INPP4A: variants seen among roughly 807,000 people sequenced by gnomAD.
INPP4A encodes the protein inositol polyphosphate-4-phosphatase type I A.
INPP4A carries 33 observed loss-of-function variants against 119.8 expected under a neutral mutation model. The ratio of observed to expected loss-of-function variants is 0.28; its 90% CI spans 0.21 to 0.37. INPP4A has a LOEUF of 0.37. Among genes scored for constraint, INPP4A ranks in the 10% least tolerant of loss-of-function variants. The pLI is 1.00. For synonymous variants in INPP4A, 496 were observed against 500.7 expected (o/e 0.99, Z 0.12); for missense variants, 956 against 1,289.9 (o/e 0.74, Z 3.97).
intron 23 of INPP4A, 70 bp from the exon 24 acceptor site, chr2:98,576,919 C>G (rs879088090): frequency 6.5e-7 from 1 of 1,539,520 alleles, no homozygotes; most frequent in Non-Finnish European, 8.8e-7. Context: ...GGGAGCCTTT[C>G]CTGTGTGTGA....
rs1442302531 is a variant in INPP4A, at chr2:98,546,056, A to G, written c.1037A>G (p.Gln346Arg). 1.3e-6 allele frequency: 2 copies of G among 1,580,954 alleles called. No homozygotes were observed. The highest frequency in any genetic ancestry group is 1.7e-6 in the Non-Finnish European group (2 of 1,162,226). Residue 346 changes from glutamine (Q) to arginine (R), a missense_variant, in exon 12 of 25, where the codon CAA becomes CGA. Coordinates refer to ENST00000409851, the MANE Select transcript of INPP4A (RefSeq NM_001134225.2). This position sits in a 1 kb window ranked among gnomAD's most constrained non-coding sequence, Gnocchi z 4.2. Reference protein sequence around the residue: ...TNLHIQRMRVQDDGGSDQNYD... With the variant: ...TNLHIQRMRVRDDGGSDQNYD... The stretch of plus-strand genomic sequence containing the variant: ...TTGCACATACAAAGGATGAGAGTTC[A>G]AGACGATGGAGGATCAGGTACCTAT...
chr2:98,496,381 CAATT>C (rs1681946196), intron 1 of INPP4A, among the ~76,000 whole-genome samples: 1 of 152,102 alleles, frequency 6.6e-6, no homozygotes, highest in Admixed American at 6.5e-5. Context: ...AACTCAAAAT[CAATT>C]AAATACTTAA....
In INPP4A at chr2:98,519,973, C is replaced by A; in HGVS notation, c.-76C>A. 1 of 1,201,040 alleles carries A rather than the reference C, an allele frequency of 8.3e-7. No individual in the cohort carries two copies. Among genetic ancestry groups the A allele is most frequent in the Non-Finnish European group, 1.2e-6 (1 of 827,344 alleles). 74.4% of individuals were successfully genotyped at this position (1,201,040 alleles called of 1,614,324 possible). On this transcript the variant is annotated 5_prime_UTR_variant, in exon 3 of 25. Transcript: ENST00000409851. ...CTACTGCCACTTTAGTGGACTAGGG[C>A]TCGGTGCCAGCACTTCCCGGGTAAT...
chr2:98,531,769 C>T (rs1043714961), intron 4 of INPP4A, among the ~76,000 whole-genome samples: 1 of 152,136 alleles, frequency 6.6e-6, no homozygotes, highest in Non-Finnish European at 1.5e-5. Context: ...ATTTTCAAAC[C>T]TTAAAAGCTG....
chr2:98,535,708 T>C, intron 5 of INPP4A, 21 bp from the exon 6 acceptor site: 1 of 1,140,544 alleles, frequency 8.8e-7, no homozygotes, highest in Non-Finnish European at 1.3e-6. Context: ...TGTGTTCTGA[T>C]TATTTCCTTT....
chr2:98,462,467 GATAAAA>G (rs1673775272), intron 1 of INPP4A, among the ~76,000 whole-genome samples: 1 of 151,902 alleles, frequency 6.6e-6, no homozygotes, highest in Non-Finnish European at 1.5e-5. Context: ...TAAATAAATA[GATAAAA>G]ATAAAATAAA....
intron 13 of INPP4A, among the ~76,000 whole-genome samples, chr2:98,547,205 G>A (rs1306450251): frequency 6.6e-6 from 1 of 152,262 alleles, no homozygotes; most frequent in African/African-American, 2.4e-5. Flanking sequence ...ATGGTGAAAT[G>A]TGGCCAGGTG....
intron 13 of INPP4A, among the ~76,000 whole-genome samples, chr2:98,550,619 C>CA (rs1693335602): frequency 6.6e-6 from 1 of 152,218 alleles, no homozygotes; most frequent in Non-Finnish European, 1.5e-5. Context: ...TCTACACCTC[C>CA]ATCCTGCCGC....
rs540479747 is a variant in INPP4A, at chr2:98,491,602, C to A, written c.-165-27362C>A. On this transcript the variant is annotated intron_variant, in intron 1 of 24. Coordinates refer to ENST00000409851, the MANE Select transcript of INPP4A (RefSeq NM_001134225.2). ...GCAAGCCAGGTGCGTTTAATAAGATCTGCAGTCCTGTGCATCCCAAGAGAA... is the reference window on the plus strand; with the variant it reads ...GCAAGCCAGGTGCGTTTAATAAGATATGCAGTCCTGTGCATCCCAAGAGAA... Among the ~76,000 whole-genome samples the A allele has an allele frequency of 1.8e-3, 267 of 152,308 alleles. 1 individual carries two copies. Among genetic ancestry groups the A allele is most frequent in the Non-Finnish European group, 3.5e-3 (240 of 68,038 alleles).
chr2:98,519,710 T>C (rs2105724732), intron 2 of INPP4A: 1 of 286,084 alleles, frequency 3.5e-6, no homozygotes, highest in South Asian at 5.2e-5. Context: ...GGCATATCTC[T>C]GCTGAAGAGG....
chr2:98,497,495 C>G (rs1682241465), intron 1 of INPP4A, among the ~76,000 whole-genome samples: 2 of 152,156 alleles, frequency 1.3e-5, no homozygotes, highest in South Asian at 4.1e-4. Context: ...CAACGCTAGC[C>G]CATGAAAGGA....
chr2:98,455,904 A>G (rs1213413238), intron 1 of INPP4A, among the ~76,000 whole-genome samples: 6 of 152,232 alleles, frequency 3.9e-5, no homozygotes, highest in African/African-American at 1.4e-4. Flanking sequence ...TGTGTGTCAC[A>G]CAGACCACAT....
rs2106229952 is a variant in INPP4A at position 98,555,413 on chromosome 2, C to T, written c.1567-140C>T. 3 of 883,922 alleles carry T rather than the reference C, an allele frequency of 3.4e-6. No individual in the cohort carries two copies. In the East Asian group the frequency reaches 7.7e-5, roughly 23 times the overall value. The allele number at this position is 883,922 out of a possible 1,614,324, so 54.8% of individuals were successfully genotyped here. On this transcript the variant is annotated intron_variant, in intron 15 of 24. Transcript: ENST00000409851. ...ACTTTAGTGGGGAATTAGGAATCAT[C>T]TTTATATTTCTAAACTTTGAGGTAT...
intron 1 of INPP4A, among the ~76,000 whole-genome samples, chr2:98,464,934 T>C (rs955903334): frequency 3.9e-5 from 6 of 152,216 alleles, no homozygotes; most frequent in Non-Finnish European, 5.9e-5. Context: ...AGCTCGTTAT[T>C]GCAGTACAAG....
Position 98,588,524 on chromosome 2 carries a change from A to G in INPP4A, c.*916A>G, listed in dbSNP as rs933339128. ...AAAAATTTTTTTTGCAGGATTTCCA[A>G]TTTATCTTTGAAAAGACAGTACAAT... On this transcript the variant is annotated 3_prime_UTR_variant, in exon 25 of 25. Coordinates refer to ENST00000409851, the MANE Select transcript of INPP4A (RefSeq NM_001134225.2). 1 of 218,180 alleles carries G rather than the reference A, an allele frequency of 4.6e-6. No homozygotes were observed. The highest frequency in any genetic ancestry group is 5.8e-5 in the Admixed American group (1 of 17,234). The allele number at this position is 218,180 out of a possible 1,614,324, so 13.5% of individuals were successfully genotyped here. A position where few individuals can be genotyped will look rare whatever the true frequency, so the allele number is the denominator to read the frequency against.
At chr2:98,520,953 G>A (rs1687069393) in intron 4 of INPP4A, 4 of 467,264 alleles carry the variant, frequency 8.6e-6, no homozygotes, top group Non-Finnish European at 1.5e-5. Flanking sequence ...TCCTCAGCAT[G>A]GGGCCCGCCC....
intron 13 of INPP4A, among the ~76,000 whole-genome samples, chr2:98,551,483 C>T (rs1693508881): frequency 6.6e-6 from 1 of 152,026 alleles, no homozygotes; most frequent in Non-Finnish European, 1.5e-5. Flanking sequence ...TGTTTCTTTC[C>T]GGGGTGCTTT....
intron 1 of INPP4A, among the ~76,000 whole-genome samples, chr2:98,502,693 C>A (rs530364375): frequency 1.3e-3 from 196 of 152,300 alleles, no homozygotes; most frequent in Middle Eastern, 3.4e-3. Flanking sequence ...AACAGCACCA[C>A]AACCAGATTA....
chr2:98,565,578 C>T (rs1345412890), intron 19 of INPP4A, 62 bp from the exon 20 acceptor site: 3 of 1,537,200 alleles, frequency 2.0e-6, no homozygotes, highest in Non-Finnish European at 2.6e-6. Flanking sequence ...CTGCCTTCTG[C>T]TGAGACTGGG....
Sources: allele counts gnomAD v4.1 joint callset (sites outside exome capture counted in the v4.1 genomes callset), GRCh38; gene constraint gnomAD v4.1.1; non-coding constraint Gnocchi (gnomAD v3.1); transcripts MANE v1.5; gene names NCBI Gene and HGNC (gene_info 2026-07-23, HGNC 2026-07-21).